Variants in ZXDC observed in about 807,000 individuals in gnomAD.
ZXDC encodes the protein ZXD family zinc finger C, also known as zinc finger protein ZXDC.
Under a neutral mutation model 63.6 loss-of-function variants are expected in ZXDC, and 58 were observed. The ratio of observed to expected loss-of-function variants is 0.91; its 90% CI spans 0.74 to 1.13. The LOEUF (loss-of-function observed/expected upper bound fraction) is 1.13, where lower values mean the gene tolerates loss of function less well. Among genes scored for constraint, ZXDC ranks in the 50% most tolerant of loss-of-function variants. ZXDC has a pLI of 0.00. For missense variants in ZXDC, 1,133 were observed against 1,148.9 expected, an observed-to-expected ratio of 0.99 and a Z score of 0.20; for synonymous variants, 561 against 496.1, an observed-to-expected ratio of 1.13 and a Z score of -1.74.
In ZXDC at chr3:126,466,228, A is replaced by G. The variant is rs1453394322; in HGVS notation, c.1368T>C (p.Ser456=). 4.3e-6 allele frequency: 7 copies of G among 1,614,136 alleles called. No homozygotes were observed. The highest frequency in any genetic ancestry group is 1.7e-5 in the Admixed American group (1 of 60,008). Residue 456 remains serine (S), a synonymous_variant, in exon 5 of 10, where the codon TCT becomes TCC. Transcript: ENST00000389709. ...VGAPKSRCPV[S]TCNRLFTSKH... ...TGGAGGTGAAGAGTCTGTTGCAGGT[A>G]GAAACTGGGCAACGGCTTTTCGGAG...
chr3:126,453,697 T>C, intron 7 of ZXDC: 2 of 984,964 alleles, frequency 2.0e-6, no homozygotes, highest in Non-Finnish European at 2.4e-6. Context: ...CTTTTATTTT[T>C]TTTCTTTTTT....
chr3:126,440,395 T>A, intron 8 of ZXDC: 2 of 985,544 alleles, frequency 2.0e-6, no homozygotes, highest in Non-Finnish European at 2.4e-6. Context: ...ATTTCATAGA[T>A]GACAAAACTG....
chr3:126,453,302 G>T, intron 7 of ZXDC: 8 of 985,370 alleles, frequency 8.1e-6, no homozygotes, highest in Non-Finnish European at 7.2e-6. Flanking sequence ...AGACAGAAAA[G>T]GAAAATGAGG....
At position 126,449,267 on chromosome 3, in the gene ZXDC, C is replaced by A. The variant is rs1053129220; in HGVS notation, c.2213-7321G>T. Among the ~76,000 whole-genome samples the A allele has an allele frequency of 2.0e-5, 3 of 152,286 alleles. No homozygotes were observed. In the East Asian group the frequency reaches 5.8e-4, roughly 29 times the overall value. On this transcript the variant is annotated intron_variant, in intron 7 of 9. Coordinates refer to ENST00000389709, the MANE Select transcript of ZXDC (RefSeq NM_025112.5). ...TAAGAAATAAGGTCTCACTATGTTGCCCAGGCTGGACTTTAATTCCTGGGC... is the reference window on the plus strand; with the variant it reads ...TAAGAAATAAGGTCTCACTATGTTGACCAGGCTGGACTTTAATTCCTGGGC...
At chr3:126,441,152 G>T in intron 8 of ZXDC, 1 of 985,648 alleles carries the variant, frequency 1.0e-6, no homozygotes, top group Non-Finnish European at 1.2e-6. Context: ...GCTCAGGGCT[G>T]CTGAAGCAGG....
chr3:126,470,806 A>C, intron 4 of ZXDC, 89 bp downstream of exon 4: 1 of 1,555,068 alleles, frequency 6.4e-7, no homozygotes, highest in Non-Finnish European at 8.8e-7. Context: ...TTAAGCAGCT[A>C]ACATTTACCT....
chr3:126,474,128 G>A (rs1221805914), intron 1 of ZXDC, among the ~76,000 whole-genome samples: 1 of 149,536 alleles, frequency 6.7e-6, no homozygotes, highest in Non-Finnish European at 1.5e-5. Context: ...GCAGTGGCGC[G>A]ATCTCGGCTC....
At chr3:126,439,852 A>C in intron 8 of ZXDC, 125 bp from the exon 9 acceptor site, 1 of 1,448,002 alleles carries the variant, frequency 6.9e-7, no homozygotes, top group Admixed American at 2.7e-5. Context: ...CTGTATTCCA[A>C]GGGAGGCCCG....
chr3:126,470,068 G>C (rs754575843), intron 4 of ZXDC, among the ~76,000 whole-genome samples: 1 of 152,212 alleles, frequency 6.6e-6, no homozygotes, highest in Non-Finnish European at 1.5e-5. Context: ...TGCAGAACTA[G>C]AGTAGGGCCA....
In ZXDC at chr3:126,472,137, T is replaced by C. The variant is rs184856847; in HGVS notation, c.1060+16A>G. The stretch of plus-strand genomic sequence containing the variant: ...AAATCTTGGGTCCAAATGCTGTGCG[T>C]TCCCTAGCTCATTACCTGTATGGCT... On this transcript the variant is annotated intron_variant, in intron 2 of 9. Coordinates refer to ENST00000389709, the MANE Select transcript of ZXDC (RefSeq NM_025112.5). The C allele has an allele frequency of 6.8e-6, 11 of 1,609,146 alleles. No homozygotes were observed. The African/African-American group carries it at 1.1e-4, about 16-fold the overall frequency.
chr3:126,438,631 A>G (rs1021778236), intron 9 of ZXDC, among the ~76,000 whole-genome samples, 170 bp from the exon 10 acceptor site: 1 of 152,202 alleles, frequency 6.6e-6, no homozygotes, highest in African/African-American at 2.4e-5. Flanking sequence ...TGAAAAATGA[A>G]CTCAATACTG....
At chr3:126,459,398 T>A (rs748601421) in intron 7 of ZXDC, 27 of 985,376 alleles carry the variant, frequency 2.7e-5, no homozygotes, top group Non-Finnish European at 3.1e-5. Flanking sequence ...TCCAGGTAAC[T>A]GACACTGGTG....
chr3:126,449,359 C>A (rs1278842772), intron 7 of ZXDC, among the ~76,000 whole-genome samples: 2 of 152,188 alleles, frequency 1.3e-5, no homozygotes, highest in Non-Finnish European at 2.9e-5. Flanking sequence ...CCATGCCCAG[C>A]GTCTCTGAAT....
intron 7 of ZXDC, among the ~76,000 whole-genome samples, chr3:126,456,697 G>A (rs1032033452): frequency 3.9e-5 from 6 of 152,184 alleles, no homozygotes; most frequent in African/African-American, 1.4e-4. Flanking sequence ...TCCTTCTAGA[G>A]AATTACCTAA....
chr3:126,475,434 G>A lies in ZXDC; in HGVS notation c.432C>T (p.Val144=). The A allele has an allele frequency of 8.4e-7, 1 of 1,187,596 alleles. No individual in the cohort carries two copies. The allele number at this position is 1,187,596 out of a possible 1,614,324, so 73.6% of individuals were successfully genotyped here. The change falls in exon 1 of 10, where the codon GTC becomes GTT. Residue 144 remains valine, a synonymous_variant. Transcript: ENST00000389709. ...QDLLVRLDRG[V]LALSAPPGPA... ...GGCCGGGCGGCGCAGACAGCGCGAG[G>A]ACGCCGCGGTCGAGACGCACCAGCA...
Position 126,466,148 on chromosome 3 carries a change from T to C in ZXDC, c.1441+7A>G. 6.2e-7 allele frequency: 1 copy of C among 1,611,946 alleles called. No individual in the cohort carries two copies. Among genetic ancestry groups the C allele is most frequent in the Non-Finnish European group, 8.5e-7 (1 of 1,178,770 alleles). ...AGCTCCCCATGGGGGCCGTGGAAAG[T>C]GCAGACCTTGGCGCCGGCTGTGCTG... On this transcript the variant is annotated splice_region_variant and intron_variant, in intron 5 of 9. Transcript: ENST00000389709.
At position 126,443,650 on chromosome 3, in the gene ZXDC, T is replaced by C. The variant is rs1933765120; in HGVS notation, c.2213-1704A>G. 2.0e-5 allele frequency among the ~76,000 whole-genome samples: 3 copies of C among 152,214 alleles called. No individual in the cohort carries two copies. In the South Asian group the frequency reaches 6.2e-4, roughly 32 times the overall value. On this transcript the variant is annotated intron_variant, in intron 7 of 9. Transcript: ENST00000389709. ...TCAACTGCAAAAAATGAAGCGTGCC[T>C]ATATCCTCCGTGAGCTTGTATACTA... is the stretch of plus-strand genomic sequence containing the variant.
At chr3:126,461,347 A>G (rs1934525621) in intron 6 of ZXDC, 188 bp downstream of exon 6, 1 of 1,373,568 alleles carries the variant, frequency 7.3e-7, no homozygotes, top group Non-Finnish European at 9.4e-7. Context: ...ATGAGAATTT[A>G]AGGCTCAGAT....
intron 4 of ZXDC, among the ~76,000 whole-genome samples, chr3:126,467,556 A>G (rs1428721666): frequency 6.6e-6 from 1 of 152,226 alleles, no homozygotes; most frequent in African/African-American, 2.4e-5. Context: ...CTATGAAGAT[A>G]GGATACGGCC....
Sources: allele counts gnomAD v4.1 joint callset (sites outside exome capture counted in the v4.1 genomes callset), GRCh38; gene constraint gnomAD v4.1.1; transcripts MANE v1.5; gene names NCBI Gene and HGNC (gene_info 2026-07-23, HGNC 2026-07-21).